The following LOXHD1 variants were observed in gnomAD, a reference collection of about 807,000 sequenced individuals.
The protein encoded by LOXHD1 is lipoxygenase homology PLAT domains 1.
In LOXHD1, 205 loss-of-function variants were observed where a neutral mutation model predicts 248.2. That is an observed-to-expected ratio of 0.83 (90% confidence interval 0.74 to 0.93). The LOEUF is 0.93. Among genes scored for constraint, LOXHD1 ranks in the 40% least tolerant of loss-of-function variants. LOXHD1 has a pLI of 0.00. For missense variants in LOXHD1, 2,930 were observed against 2,971.6 expected (o/e 0.99, Z 0.33); for synonymous variants, 1,113 against 1,162.8 (o/e 0.96, Z 0.87).
intron 19 of LOXHD1, 33 bp downstream of exon 19, chr18:46,560,050 C>CCGGGG: frequency 8.9e-7 from 1 of 1,125,782 alleles, no homozygotes; most frequent in Non-Finnish European, 1.3e-6. Flanking sequence ...CTGGCCACTC[C>CCGGGG]CTCCCCACCC....
At chr18:46,506,055 CCAGCCTCTTTGACACA>C (rs2034551498) in intron 36 of LOXHD1, 32 bp from the exon 37 acceptor site, 2 of 1,548,680 alleles carry the variant, frequency 1.3e-6, no homozygotes, top group Non-Finnish European at 1.7e-6. Flanking sequence ...GCTTAGGGTG[CCAGCCTCTTTGACACA>C]CAGTCCTCTT....
At chr18:46,562,516 G>A (rs549955233) in intron 18 of LOXHD1, among the ~76,000 whole-genome samples, 3 of 152,246 alleles carry the variant, frequency 2.0e-5, no homozygotes, top group South Asian at 2.1e-4. Context: ...AAGGAAGAAC[G>A]GAGACCTGGG....
chr18:46,540,166 G>A (rs1411166516), intron 25 of LOXHD1, among the ~76,000 whole-genome samples: 5 of 152,224 alleles, frequency 3.3e-5, no homozygotes, highest in South Asian at 2.1e-4. Flanking sequence ...GAGAGGTGAA[G>A]TAACTTGCCC....
In LOXHD1 at chr18:46,521,700, A is replaced by G. The variant is rs561369290; in HGVS notation, c.5085+401T>C. ...ACCAGTGAGCTTGGAAGATGACCCC[A>G]AGCCCCAGATAAAATCGCAGCCCTG... On this transcript the variant is annotated intron_variant, in intron 32 of 40. Transcript: ENST00000642948. 2.0e-5 allele frequency among the ~76,000 whole-genome samples: 3 copies of G among 152,278 alleles called. No individual in the cohort carries two copies. In the East Asian group the frequency reaches 5.8e-4, roughly 29 times the overall value.
chr18:46,556,006 T>C (rs2037314116), intron 21 of LOXHD1, among the ~76,000 whole-genome samples: 1 of 151,932 alleles, frequency 6.6e-6, no homozygotes, highest in Non-Finnish European at 1.5e-5. Context: ...ATTCACATTT[T>C]TAAATGGCTG....
At chr18:46,637,042 A>T (rs988972327) in intron 4 of LOXHD1, among the ~76,000 whole-genome samples, 1 of 152,212 alleles carries the variant, frequency 6.6e-6, no homozygotes, top group Non-Finnish European at 1.5e-5. Context: ...GCTACTCAGG[A>T]GGCTGAGGCA....
At chr18:46,496,615 A>G (rs973936393) in intron 37 of LOXHD1, among the ~76,000 whole-genome samples, 2 of 152,216 alleles carry the variant, frequency 1.3e-5, no homozygotes, top group Non-Finnish European at 2.9e-5. Flanking sequence ...CCATCTCTGG[A>G]GGAGAAAGTT....
At chr18:46,506,535 C>A (rs184404286) in intron 36 of LOXHD1, among the ~76,000 whole-genome samples, 2 of 152,318 alleles carry the variant, frequency 1.3e-5, no homozygotes, top group Non-Finnish European at 2.9e-5. Context: ...CCCAGTGAAG[C>A]TTTTCTGACA....
intron 25 of LOXHD1, among the ~76,000 whole-genome samples, chr18:46,540,975 T>C (rs936004616): frequency 2.0e-5 from 3 of 152,240 alleles, no homozygotes; most frequent in African/African-American, 7.2e-5. Context: ...TATGAGTTGT[T>C]TGGGGGAAAT....
At chr18:46,533,472 C>A in intron 27 of LOXHD1, 148 bp from the exon 28 acceptor site, 1 of 759,496 alleles carries the variant, frequency 1.3e-6, no homozygotes, top group Non-Finnish European at 2.1e-6. Flanking sequence ...CCCCTTGCCC[C>A]AATTTCAGTA....
In LOXHD1 at chr18:46,529,272, T is replaced by C. The variant is rs1273127914; in HGVS notation, c.4435A>G (p.Lys1479Glu). The C allele has an allele frequency of 6.4e-7, 1 of 1,551,766 alleles. No individual in the cohort carries two copies. Among genetic ancestry groups the C allele is most frequent in the Non-Finnish European group, 8.7e-7 (1 of 1,146,988 alleles). Residue 1479 changes from lysine (K) to glutamate (E), a missense_variant, in exon 29 of 41, where the codon AAG becomes GAG. Coordinates refer to ENST00000642948, the MANE Select transcript of LOXHD1 (RefSeq NM_001384474.1). ...GNIPGAGTDA[K>E]VYITIYGDLG... ...TCTCCATAGATGGTGATGTACACCT[T>C]GGCATCCGTCCCTGCCCCAGGAATG...
chr18:46,624,749 C>T (rs776417632), intron 4 of LOXHD1, among the ~76,000 whole-genome samples: 2 of 152,276 alleles, frequency 1.3e-5, no homozygotes, highest in African/African-American at 2.4e-5. Context: ...GGCACTGGGA[C>T]GATGGATGAC....
chr18:46,524,519 A>G lies in LOXHD1; in HGVS notation c.4823T>C (p.Val1608Ala), dbSNP rs1197717571. ...GGGCCCGGTCACTGTGCTGATGTCG[A>G]CATCGGCCATCTTGGAGCTCAGGGC... Reference protein sequence around the residue: ...EIALSSKMADVDISTVTGPMA... With the variant: ...EIALSSKMADADISTVTGPMA... Residue 1608 changes from valine to alanine, a missense_variant, in exon 31 of 41, where the codon GTC (valine) becomes GCC (alanine). Physicochemically the swap from Val to Ala is moderately conservative, Grantham distance 64. Coordinates refer to ENST00000642948, the MANE Select transcript of LOXHD1 (RefSeq NM_001384474.1). The G allele has an allele frequency of 9.7e-6, 15 of 1,551,708 alleles. No homozygotes were observed. Among genetic ancestry groups the G allele is most frequent in the Non-Finnish European group, 1.1e-5 (13 of 1,146,994 alleles).
chr18:46,545,470 T>A (rs2036760847), intron 22 of LOXHD1, 49 bp from the exon 23 acceptor site: 1 of 1,423,912 alleles, frequency 7.0e-7, no homozygotes, highest in African/African-American at 1.4e-5. Flanking sequence ...GTTCCTTTCA[T>A]GAAAGGAGGA....
chr18:46,604,271 T>C (rs1321567620), intron 6 of LOXHD1, 42 bp from the exon 7 acceptor site: 6 of 1,549,960 alleles, frequency 3.9e-6, no homozygotes, highest in Non-Finnish European at 5.2e-6. Context: ...ATAAGTGTTG[T>C]TGAGGGTGCA....
chr18:46,632,845 C>T (rs2038844106), intron 4 of LOXHD1, among the ~76,000 whole-genome samples: 1 of 152,182 alleles, frequency 6.6e-6, no homozygotes, highest in African/African-American at 2.4e-5. Flanking sequence ...TGTGCCGGCT[C>T]TGTGTATGTC....
chr18:46,596,928 C>A (rs2038265593), intron 8 of LOXHD1, among the ~76,000 whole-genome samples: 1 of 152,064 alleles, frequency 6.6e-6, no homozygotes, highest in Non-Finnish European at 1.5e-5. Flanking sequence ...AACAATAGAC[C>A]TTTATCAAAG....
chr18:46,518,790 A>T, intron 33 of LOXHD1: 1 of 826,680 alleles, frequency 1.2e-6, no homozygotes, highest in Non-Finnish European at 1.5e-6. Flanking sequence ...AGCAGCAGCC[A>T]AAGCTCTGGG....
intron 12 of LOXHD1, among the ~76,000 whole-genome samples, chr18:46,584,762 A>G (rs535671130): frequency 6.6e-6 from 1 of 152,262 alleles, no homozygotes; most frequent in South Asian, 2.1e-4. Context: ...CAAAGACGTC[A>G]TAAGAAAACT....
Sources: gnomAD v4.1 joint callset for allele counts (sites outside exome capture counted in the v4.1 genomes callset) on GRCh38, gnomAD v4.1.1 for gene constraint, MANE v1.5 for transcripts, NCBI Gene and HGNC (gene_info 2026-07-23, HGNC 2026-07-21) for gene names.